Variants in TBX5 observed in about 807,000 individuals in gnomAD.
TBX5 encodes T-box transcription factor 5.
A neutral mutation model predicts 51.1 loss-of-function variants in TBX5; 8 were observed. The ratio of observed to expected loss-of-function variants is 0.16; its 90% CI spans 0.09 to 0.28. The LOEUF is 0.28. Among genes scored for constraint, TBX5 ranks in the 10% least tolerant of loss-of-function variants. The pLI is 1.00. For synonymous variants in TBX5, 302 were observed against 266.4 expected (o/e 1.13, Z -1.30); for missense variants, 589 against 671.7 (o/e 0.88, Z 1.36).
At position 114,354,710 on chromosome 12, in the gene TBX5, C is replaced by A. The variant is rs1190316176; in HGVS notation, c.*822G>T. 1 of 152,648 alleles carries A rather than the reference C, an allele frequency of 6.6e-6. No individual in the cohort carries two copies. Among genetic ancestry groups the A allele is most frequent in the Admixed American group, 6.5e-5 (1 of 15,276 alleles). The allele number at this position is 152,648 out of a possible 1,614,324, so 9.5% of individuals were successfully genotyped here. A position where few individuals can be genotyped will look rare whatever the true frequency, so the allele number is the denominator to read the frequency against. On this transcript the variant is annotated 3_prime_UTR_variant, in exon 9 of 9. Transcript: ENST00000405440. ...CGGGGGCTTTTTAAGTTTTTCAAAG[C>A]AAGCTTTCCGGAAGGGAAGCTATAG...
rs559861882 is a variant in TBX5, at chr12:114,402,294, C to T, written c.148-374G>A. Among the ~76,000 whole-genome samples, 6 of 151,948 alleles carry T rather than the reference C, an allele frequency of 3.9e-5. No individual in the cohort carries two copies. In the South Asian group the frequency reaches 1.0e-3, roughly 26 times the overall value. On this transcript the variant is annotated intron_variant, in intron 2 of 8. Transcript: ENST00000405440. The stretch of plus-strand genomic sequence containing the variant: ...AACAAACAAACCAAAAAAAAAAAAC[C>T]AGAGCCAATTTCAATCCACTTCACC...
At chr12:114,383,896 G>A (rs1345158427) in intron 7 of TBX5, among the ~76,000 whole-genome samples, 7 of 152,156 alleles carry the variant, frequency 4.6e-5, no homozygotes. Context: ...CAGGAACTTT[G>A]CCTGTAGGAC....
intron 6 of TBX5, among the ~76,000 whole-genome samples, chr12:114,389,256 A>G (rs1463202840): frequency 6.6e-6 from 1 of 152,088 alleles, no homozygotes; most frequent in Non-Finnish European, 1.5e-5. Context: ...CTTCTGAATG[A>G]GTAGAAAAAT....
chr12:114,393,047 C>A (rs1348782873), intron 6 of TBX5, among the ~76,000 whole-genome samples: 1 of 152,202 alleles, frequency 6.6e-6, no homozygotes, highest in East Asian at 1.9e-4. Context: ...TGTTCACAGA[C>A]AATCTGGATT....
chr12:114,372,023 T>C (rs1869937154), intron 7 of TBX5, among the ~76,000 whole-genome samples: 1 of 152,162 alleles, frequency 6.6e-6, no homozygotes, highest in African/African-American at 2.4e-5. Flanking sequence ...TGTTCTCACT[T>C]ATAAGTGGAG....
chr12:114,370,036 C>T (rs1869767574), intron 7 of TBX5, among the ~76,000 whole-genome samples: 2 of 152,036 alleles, frequency 1.3e-5, no homozygotes, highest in Non-Finnish European at 2.9e-5. Context: ...AGGCAGATCA[C>T]TTGAGATCAG....
At chr12:114,364,521 A>T (rs555685927) in intron 8 of TBX5, among the ~76,000 whole-genome samples, 1 of 152,324 alleles carries the variant, frequency 6.6e-6, no homozygotes, top group Non-Finnish European at 1.5e-5. Context: ...GAAAATTTTT[A>T]AATTGCAAAG....
chr12:114,375,791 C>T (rs947216603), intron 7 of TBX5, among the ~76,000 whole-genome samples: 4 of 152,144 alleles, frequency 2.6e-5, no homozygotes, highest in African/African-American at 9.7e-5. Context: ...GTTCTGTCAT[C>T]CCAGCACTTT....
chr12:114,392,841 G>A (rs746867801), intron 6 of TBX5, among the ~76,000 whole-genome samples: 1 of 152,154 alleles, frequency 6.6e-6, no homozygotes, highest in Non-Finnish European at 1.5e-5. Context: ...GCATCTTTCA[G>A]GGCATTCGAC....
chr12:114,393,536 G>A (rs914539079), intron 6 of TBX5, among the ~76,000 whole-genome samples: 10 of 152,104 alleles, frequency 6.6e-5, no homozygotes, highest in Admixed American at 3.9e-4. Context: ...ACATGCACTC[G>A]GGTATCTAAG....
chr12:114,400,850 A>G (rs568286086), intron 3 of TBX5, among the ~76,000 whole-genome samples: 1 of 152,238 alleles, frequency 6.6e-6, no homozygotes, highest in South Asian at 2.1e-4. Context: ...ATAATAATAA[A>G]TGTCACTGTT....
Position 114,354,052 on chromosome 12 carries a change from A to G in TBX5, c.*1480T>C, listed in dbSNP as rs1868728183. 1 of 152,462 alleles carries G rather than the reference A, an allele frequency of 6.6e-6. No homozygotes were observed. Among genetic ancestry groups the G allele is most frequent in the Non-Finnish European group, 1.5e-5 (1 of 68,024 alleles). 9.4% of individuals were successfully genotyped at this position (152,462 alleles called of 1,614,324 possible). A position where few individuals can be genotyped will look rare whatever the true frequency, so the allele number is the denominator to read the frequency against. On this transcript the variant is annotated 3_prime_UTR_variant, in exon 9 of 9. Transcript: ENST00000405440. ...GAGACATAATCGCATAGGGACACTC[A>G]CTTACAAACACACTCACACTCTCTC...
chr12:114,370,663 CT>C (rs1565929660), intron 7 of TBX5, among the ~76,000 whole-genome samples: 2 of 146,474 alleles, frequency 1.4e-5, no homozygotes, highest in African/African-American at 2.5e-5. Flanking sequence ...CTCTCTCTCT[CT>C]ATCTATCTAT....
At chr12:114,360,472 A>G (rs576494023) in intron 8 of TBX5, among the ~76,000 whole-genome samples, 11 of 127,550 alleles carry the variant, frequency 8.6e-5, no homozygotes, top group African/African-American at 3.0e-4. Flanking sequence ...GGGTGGATGG[A>G]TGCATGGATG....
upstream of TBX5, among the ~76,000 whole-genome samples, chr12:114,406,787 G>T (rs972532778): frequency 2.0e-5 from 3 of 152,132 alleles, no homozygotes; most frequent in African/African-American, 7.2e-5. Flanking sequence ...CAGTCACTGG[G>T]GACTGGCTAG....
At chr12:114,398,433 G>A in intron 5 of TBX5, 140 bp downstream of exon 5, 1 of 1,218,482 alleles carries the variant, frequency 8.2e-7, no homozygotes, top group Non-Finnish European at 1.2e-6. Context: ...GAGGCAGAAA[G>A]CGACGAAAGT....
At chr12:114,374,076 C>T (rs944733934) in intron 7 of TBX5, among the ~76,000 whole-genome samples, 1 of 152,214 alleles carries the variant, frequency 6.6e-6, no homozygotes, top group Non-Finnish European at 1.5e-5. Flanking sequence ...AGAAGTAAGC[C>T]AAGGACTTCC....
chr12:114,367,601 G>A (rs1033224480), intron 7 of TBX5, among the ~76,000 whole-genome samples: 2 of 151,294 alleles, frequency 1.3e-5, no homozygotes, highest in Non-Finnish European at 2.9e-5. Context: ...GCAGCAGGAG[G>A]CTCAAAGGAA....
chr12:114,356,875 G>T (rs1482900117), intron 8 of TBX5, among the ~76,000 whole-genome samples: 1 of 152,128 alleles, frequency 6.6e-6, no homozygotes, highest in Non-Finnish European at 1.5e-5. Context: ...CTTGCCCAAG[G>T]TTTCACATGG....
Sources: allele counts gnomAD v4.1 joint callset (sites outside exome capture counted in the v4.1 genomes callset), GRCh38; gene constraint gnomAD v4.1.1; transcripts MANE v1.5; gene names NCBI Gene and HGNC (gene_info 2026-07-23, HGNC 2026-07-21).